Variants in PDPK1 observed in about 807,000 individuals in gnomAD.
PDPK1 encodes 3-phosphoinositide-dependent protein kinase 1.
A neutral mutation model predicts 39.8 loss-of-function variants in PDPK1; 7 were observed. That is an observed-to-expected ratio of 0.18 (90% CI 0.10 to 0.33). The LOEUF is 0.33. Ranked by LOEUF, PDPK1 falls within the 10% of genes least tolerant of loss-of-function variation. PDPK1 has a pLI of 1.00. For synonymous variants in PDPK1, 118 were observed against 159.1 expected, an observed-to-expected ratio of 0.74 and a Z score of 1.95; for missense variants, 182 against 384.7, an observed-to-expected ratio of 0.47 and a Z score of 4.41.
rs961613110 is a variant in PDPK1 at position 2,599,880 on chromosome 16, T to C, written c.*2113T>C. 5.1e-5 allele frequency: 12 copies of C among 233,482 alleles called. No homozygotes were observed. Among genetic ancestry groups the C allele is most frequent in the African/African-American group, 2.4e-4 (11 of 45,370 alleles). 14.5% of individuals were successfully genotyped at this position (233,482 alleles called of 1,614,324 possible). Reference sequence around the variant, plus strand: ...CTTGGGGAGACTCTTCCGTGCGTTCTTCCTCTGGATAGAACCACCACCTCC... The same window carrying C: ...CTTGGGGAGACTCTTCCGTGCGTTCCTCCTCTGGATAGAACCACCACCTCC... On this transcript the variant is annotated 3_prime_UTR_variant, in exon 14 of 14. Coordinates refer to ENST00000342085, the MANE Select transcript of PDPK1 (RefSeq NM_002613.5).
Position 2,603,024 on chromosome 16 carries a change from TTTA to T in PDPK1, c.*5262_*5264del, listed in dbSNP as rs1429683427. The T allele has an allele frequency of 2.6e-5, 6 of 229,186 alleles. No individual in the cohort carries two copies. Among genetic ancestry groups the T allele is most frequent in the Non-Finnish European group, 5.2e-5 (6 of 115,430 alleles). 14.2% of individuals were successfully genotyped at this position (229,186 alleles called of 1,614,324 possible). On this transcript the variant is annotated 3_prime_UTR_variant, in exon 14 of 14. Transcript: ENST00000342085. ...TATATTTTACAACTTTTTTTCTGGC[TTTA>T]TTATATAAATTTTCTATTGGGTCAG...
At chr16:2,544,671 C>A (rs1362571787) in intron 1 of PDPK1, among the ~76,000 whole-genome samples, 2 of 152,084 alleles carry the variant, frequency 1.3e-5, no homozygotes, top group Non-Finnish European at 2.9e-5. Flanking sequence ...GCAAGCTCCG[C>A]CTCCTGGGTT....
In PDPK1 at chr16:2,598,433, GGT is replaced by G. The variant is rs1254982842; in HGVS notation, c.*667_*668del. 1 of 234,318 alleles carries G rather than the reference GGT, an allele frequency of 4.3e-6. No homozygotes were observed. The allele number at this position is 234,318 out of a possible 1,614,324, so 14.5% of individuals were successfully genotyped here. On this transcript the variant is annotated 3_prime_UTR_variant, in exon 14 of 14. Transcript: ENST00000342085. The stretch of plus-strand genomic sequence containing the variant: ...GGTTTGCGTGGTGAGGAGCGGGAGG[GGT>G]TGGAGTGGTGCGGGAGCAGGCTGCC...
chr16:2,589,095 A>G (rs1231947003), intron 11 of PDPK1, among the ~76,000 whole-genome samples: 4 of 152,106 alleles, frequency 2.6e-5, no homozygotes. Flanking sequence ...AGCTGGGATT[A>G]CAGGCACATG....
chr16:2,542,071 C>G (rs1370326332), intron 1 of PDPK1, among the ~76,000 whole-genome samples: 2 of 152,200 alleles, frequency 1.3e-5, no homozygotes, highest in African/African-American at 4.8e-5. Context: ...ATTTTTGCTC[C>G]AAGAAATTCC....
At chr16:2,591,594 T>C (rs1322536611) in intron 11 of PDPK1, among the ~76,000 whole-genome samples, 1 of 152,212 alleles carries the variant, frequency 6.6e-6, no homozygotes, top group Non-Finnish European at 1.5e-5. Context: ...AGTATACTCC[T>C]CCCTTTTCTA....
intron 11 of PDPK1, chr16:2,594,179 T>A (rs934915487): frequency 6.6e-5 from 10 of 152,334 alleles, no homozygotes; most frequent in African/African-American, 2.4e-4. Context: ...CTGTTGGCCC[T>A]GTGTGCAGCC....
chr16:2,585,686 G>A lies in PDPK1; in HGVS notation c.1126-990G>A, dbSNP rs551543621. Among the ~76,000 whole-genome samples the A allele has an allele frequency of 2.6e-5, 4 of 152,360 alleles. No individual in the cohort carries two copies. In the South Asian group the frequency reaches 6.2e-4, roughly 24 times the overall value. On this transcript the variant is annotated intron_variant, in intron 10 of 13. Transcript: ENST00000342085. Reference sequence around the variant, plus strand: ...GGGCCGGCGTGGAGGGGCCGGCAGCGTCGGGCGTTTCCACCATGCCCGTTG... The same window carrying A: ...GGGCCGGCGTGGAGGGGCCGGCAGCATCGGGCGTTTCCACCATGCCCGTTG...
At position 2,598,746 on chromosome 16, in the gene PDPK1, G is replaced by A. The variant is rs1304305904; in HGVS notation, c.*979G>A. ...AAATGTCCACGCCTCTCCAGTTGCT[G>A]AAGTAGGGTCTGAGAGAACCCTGGC... On this transcript the variant is annotated 3_prime_UTR_variant, in exon 14 of 14. Coordinates refer to ENST00000342085, the MANE Select transcript of PDPK1 (RefSeq NM_002613.5). 4.3e-6 allele frequency: 1 copy of A among 233,248 alleles called. No individual in the cohort carries two copies. Among genetic ancestry groups the A allele is most frequent in the Non-Finnish European group, 8.5e-6 (1 of 118,104 alleles). 14.4% of individuals were successfully genotyped at this position (233,248 alleles called of 1,614,324 possible). A position where few individuals can be genotyped will look rare whatever the true frequency, so the allele number is the denominator to read the frequency against.
chr16:2,540,586 A>T (rs2066227049), intron 1 of PDPK1, among the ~76,000 whole-genome samples: 1 of 152,098 alleles, frequency 6.6e-6, no homozygotes, highest in Non-Finnish European at 1.5e-5. Flanking sequence ...CTTCCCAGGG[A>T]TTGGGCCTGA....
rs2067086601 is a variant in PDPK1 at position 2,595,671 on chromosome 16, A to C, written c.1344-122A>C. 16 of 767,794 alleles carry C rather than the reference A, an allele frequency of 2.1e-5. No homozygotes were observed. The South Asian group carries it at 2.4e-4, about 12-fold the overall frequency. The allele number at this position is 767,794 out of a possible 1,614,324, so 47.6% of individuals were successfully genotyped here. Reference sequence around the variant, plus strand: ...TGGCGAACGTTCTCTGCTCATCCCAAAGTGAGGCTGGCTCTGTGAGGGGCA... The same window carrying C: ...TGGCGAACGTTCTCTGCTCATCCCACAGTGAGGCTGGCTCTGTGAGGGGCA... On this transcript the variant is annotated intron_variant, in intron 11 of 13. Transcript: ENST00000342085.
rs1214229758 is a variant in PDPK1, at chr16:2,559,906, G to A, written c.286-1574G>A. On this transcript the variant is annotated intron_variant, in intron 2 of 13. Coordinates refer to ENST00000342085, the MANE Select transcript of PDPK1 (RefSeq NM_002613.5). ...GGTGAGCCGGAGGCTCCTCCATGGG[G>A]CTGTTTGGAATCCACAGTACTGGGT... Among the ~76,000 whole-genome samples the A allele has an allele frequency of 1.3e-5, 2 of 151,638 alleles. 1 individual carries two copies. The highest frequency in any genetic ancestry group is 3.9e-4 in the East Asian group (2 of 5,192).
intron 11 of PDPK1, among the ~76,000 whole-genome samples, chr16:2,589,074 G>A (rs1277443024): frequency 6.6e-6 from 1 of 152,134 alleles, no homozygotes; most frequent in Non-Finnish European, 1.5e-5. Flanking sequence ...TCCTGTCTCA[G>A]CCTCCTGAGT....
chr16:2,545,715 G>A (rs1214796191), intron 1 of PDPK1, among the ~76,000 whole-genome samples: 1 of 152,080 alleles, frequency 6.6e-6, no homozygotes, highest in Admixed American at 6.6e-5. Context: ...GGCTGGTCGC[G>A]AACTCCTAAT....
intron 1 of PDPK1, among the ~76,000 whole-genome samples, chr16:2,540,635 C>T (rs2066227948): frequency 6.6e-6 from 1 of 152,124 alleles, no homozygotes; most frequent in Non-Finnish European, 1.5e-5. Context: ...GGAGGGGTGT[C>T]TTCATATGGA....
rs74433396 is a variant in PDPK1, at chr16:2,585,604, G to A, written c.1126-1072G>A. On this transcript the variant is annotated intron_variant, in intron 10 of 13. Coordinates refer to ENST00000342085, the MANE Select transcript of PDPK1 (RefSeq NM_002613.5). ...GCCGGGGCAGTGTGACCATTGGGCAGTGTTGGAGACAAGCAGGCTGGGCAG... is the reference window on the plus strand; with the variant it reads ...GCCGGGGCAGTGTGACCATTGGGCAATGTTGGAGACAAGCAGGCTGGGCAG... Among the ~76,000 whole-genome samples, 1,172 of 152,342 alleles carry A rather than the reference G, an allele frequency of 7.7e-3. 24 individuals are homozygous for A. The highest frequency in any genetic ancestry group is 0.027 in the African/African-American group (1,118 of 41,580).
chr16:2,539,332 G>C (rs1209871434), intron 1 of PDPK1: 1 of 152,944 alleles, frequency 6.5e-6, no homozygotes, highest in South Asian at 2.0e-4. Context: ...TGCCCGCCTC[G>C]TCCTCCCAAA....
intron 11 of PDPK1, among the ~76,000 whole-genome samples, chr16:2,590,642 G>T (rs2066971046): frequency 1.3e-5 from 2 of 152,206 alleles, no homozygotes; most frequent in African/African-American, 2.4e-5. Context: ...TCTTGAAAAT[G>T]ATTGGAATGA....
At chr16:2,546,796 T>A (rs1427111370) in intron 1 of PDPK1, among the ~76,000 whole-genome samples, 1 of 152,068 alleles carries the variant, frequency 6.6e-6, no homozygotes, top group Non-Finnish European at 1.5e-5. Context: ...ACGTGTGCTC[T>A]GTGGGTGGGT....
Sources: allele counts gnomAD v4.1 joint callset (sites outside exome capture counted in the v4.1 genomes callset), GRCh38; gene constraint gnomAD v4.1.1; transcripts MANE v1.5; gene names NCBI Gene and HGNC (gene_info 2026-07-23, HGNC 2026-07-21).